The following GALNT2 variants were observed in gnomAD, a reference collection of about 807,000 sequenced individuals.
GALNT2 encodes the protein polypeptide N-acetylgalactosaminyltransferase 2.
A neutral mutation model predicts 81.4 loss-of-function variants in GALNT2; 31 were observed. That is an observed-to-expected ratio of 0.38 (90% CI 0.29 to 0.51). The LOEUF is 0.51. Ranked by LOEUF, GALNT2 falls within the 20% of genes least tolerant of loss-of-function variation. The pLI is 0.87. For synonymous variants in GALNT2, 303 were observed against 287.4 expected (o/e 1.05, Z -0.55); for missense variants, 629 against 765.7 (o/e 0.82, Z 2.11).
chr1:230,136,945 C>G (rs1245799350), intron 1 of GALNT2, among the ~76,000 whole-genome samples: 5 of 152,226 alleles, frequency 3.3e-5, no homozygotes, highest in Non-Finnish European at 7.3e-5. Flanking sequence ...ACCTCACGGA[C>G]AGCGAAGCCA....
At chr1:230,225,674 G>GTTTTTTTTT (rs199933306) in intron 3 of GALNT2, among the ~76,000 whole-genome samples, 1 of 141,122 alleles carries the variant, frequency 7.1e-6, no homozygotes, top group Non-Finnish European at 1.5e-5. Context: ...AGGAGGCAGA[G>GTTTTTTTTT]TTTTTTTGTT....
At chr1:230,203,092 G>A in intron 2 of GALNT2, 45 bp from the exon 3 acceptor site, 1 of 1,579,422 alleles carries the variant, frequency 6.3e-7, no homozygotes, top group Non-Finnish European at 8.6e-7. Flanking sequence ...ATGAGCACTT[G>A]GTCACATTTT....
chr1:230,150,470 TTCC>T (rs1193167714), intron 1 of GALNT2, among the ~76,000 whole-genome samples: 2 of 152,264 alleles, frequency 1.3e-5, no homozygotes, highest in Non-Finnish European at 2.9e-5. Context: ...CTCCTTCCAC[TTCC>T]TCTTTCTGCC....
At chr1:230,226,516 C>G (rs146229043) in intron 3 of GALNT2, among the ~76,000 whole-genome samples, 2 of 152,240 alleles carry the variant, frequency 1.3e-5, no homozygotes, top group Non-Finnish European at 2.9e-5. Flanking sequence ...GCTCATCTCA[C>G]CTGGCTGATG....
chr1:230,218,516 C>A (rs959833196), intron 3 of GALNT2, among the ~76,000 whole-genome samples: 1 of 152,202 alleles, frequency 6.6e-6, no homozygotes, highest in Non-Finnish European at 1.5e-5. Flanking sequence ...TGACTTAGCA[C>A]AGTGGCTGGC....
chr1:230,083,506 G>T (rs894952318), intron 1 of GALNT2, among the ~76,000 whole-genome samples: 2 of 152,152 alleles, frequency 1.3e-5, no homozygotes, highest in Admixed American at 6.5e-5. Context: ...GATGGAGCTG[G>T]GGGGCCCAAT....
intron 6 of GALNT2, among the ~76,000 whole-genome samples, chr1:230,242,468 C>CAT (rs1665230966): frequency 6.6e-6 from 1 of 152,114 alleles, no homozygotes; most frequent in Non-Finnish European, 1.5e-5. Flanking sequence ...GAAAGCCCAG[C>CAT]ATATATAGCA....
chr1:230,178,286 A>C lies in GALNT2; in HGVS notation c.195A>C (p.Ala65=), dbSNP rs754280873. ...DLHHSNGEEK[A]QSMETLPPGK... ...ATCACAGCAATGGAGAAGAGAAAGC[A>C]CAAAGCATGGAGACCCTCCCTCCAG... The change falls in exon 2 of 16, where the codon GCA becomes GCC. Residue 65 remains alanine, a synonymous_variant. Coordinates refer to ENST00000366672, the MANE Select transcript of GALNT2 (RefSeq NM_004481.5). 6.2e-7 allele frequency: 1 copy of C among 1,614,088 alleles called. No homozygotes were observed.
intron 1 of GALNT2, among the ~76,000 whole-genome samples, chr1:230,107,654 T>A (rs1298551178): frequency 8.9e-6 from 1 of 111,866 alleles, no homozygotes; most frequent in African/African-American, 3.0e-5. Context: ...GGTTGGTTGG[T>A]TGGTTTAAGC....
intron 1 of GALNT2, among the ~76,000 whole-genome samples, chr1:230,087,433 T>G (rs1659932560): frequency 6.6e-6 from 1 of 152,200 alleles, no homozygotes; most frequent in Admixed American, 6.5e-5. Context: ...TCTTAATTGG[T>G]TTTCCTTGCC....
chr1:230,267,495 G>T (rs1031861025), intron 14 of GALNT2, among the ~76,000 whole-genome samples: 1 of 152,218 alleles, frequency 6.6e-6, no homozygotes. Context: ...AGGGCCTGGC[G>T]TCTGTGTGTA....
chr1:230,175,361 G>A (rs1419322886), intron 1 of GALNT2, among the ~76,000 whole-genome samples: 2 of 152,160 alleles, frequency 1.3e-5, no homozygotes, highest in Non-Finnish European at 2.9e-5. Context: ...GCTCCCCAGG[G>A]TGTGGATCCA....
intron 10 of GALNT2, among the ~76,000 whole-genome samples, chr1:230,252,843 C>CTTTTTTTTTTTTTTTTTTTTTTTTTTTTT (rs58544942): frequency 1.3e-5 from 1 of 78,946 alleles, no homozygotes; most frequent in Non-Finnish European, 2.3e-5. Flanking sequence ...GAGACAACTT[C>CTTTTTTTTTTTTTTTTTTTTTTTTTTTTT]TTTTTTTTTT....
chr1:230,211,175 G>A (rs1664222328), intron 3 of GALNT2, among the ~76,000 whole-genome samples: 1 of 152,178 alleles, frequency 6.6e-6, no homozygotes, highest in Non-Finnish European at 1.5e-5. Context: ...TGAGATTCTT[G>A]TGACGGAACC....
At chr1:230,200,783 G>C (rs1345670610) in intron 2 of GALNT2, among the ~76,000 whole-genome samples, 1 of 152,224 alleles carries the variant, frequency 6.6e-6, no homozygotes, top group Non-Finnish European at 1.5e-5. Context: ...TACATGGTAG[G>C]ATGAAACCTC....
chr1:230,277,973 G>A (rs1195275848), intron 15 of GALNT2, among the ~76,000 whole-genome samples: 4 of 151,878 alleles, frequency 2.6e-5, no homozygotes, highest in East Asian at 1.9e-4. Context: ...AGGAGCTTTC[G>A]TGCACACAGT....
chr1:230,226,680 C>T (rs955170996), intron 3 of GALNT2, among the ~76,000 whole-genome samples: 2 of 152,248 alleles, frequency 1.3e-5, no homozygotes, highest in East Asian at 3.8e-4. Context: ...CCTCGCCACT[C>T]TCTCCCAAAG....
chr1:230,130,115 G>T (rs1055572617), intron 1 of GALNT2, among the ~76,000 whole-genome samples: 8 of 152,212 alleles, frequency 5.3e-5, no homozygotes, highest in African/African-American at 1.9e-4. Context: ...GCCCATCACT[G>T]TGGAACTTTG....
chr1:230,147,644 T>A (rs993310260), intron 1 of GALNT2, among the ~76,000 whole-genome samples: 1 of 152,236 alleles, frequency 6.6e-6, no homozygotes, highest in African/African-American at 2.4e-5. Flanking sequence ...GAACAGTGGC[T>A]GGCTAGTGGT....
Sources: gnomAD v4.1 joint callset for allele counts (sites outside exome capture counted in the v4.1 genomes callset) on GRCh38, gnomAD v4.1.1 for gene constraint, MANE v1.5 for transcripts, NCBI Gene and HGNC (gene_info 2026-07-23, HGNC 2026-07-21) for gene names.